Variants in PIK3R2 observed in about 807,000 individuals in gnomAD.
The protein encoded by PIK3R2 is phosphoinositide-3-kinase regulatory subunit 2.
In PIK3R2, 40 loss-of-function variants were observed where a neutral mutation model predicts 78.5. That is an observed-to-expected ratio of 0.51 (90% CI 0.40 to 0.66). The LOEUF is 0.66. Ranked by LOEUF, PIK3R2 falls within the 30% of genes least tolerant of loss-of-function variation. The probability of loss-of-function intolerance (pLI) is 0.00; values close to 1 mark genes in which losing one functional copy is unlikely to be tolerated. For missense variants in PIK3R2, 880 were observed against 1,026.6 expected (o/e 0.86, Z 1.95); for synonymous variants, 473 against 457.7 (o/e 1.03, Z -0.43).
chr19:18,164,750 C>T (rs971165257), intron 11 of PIK3R2, among the ~76,000 whole-genome samples: 9 of 150,172 alleles, frequency 6.0e-5, no homozygotes, highest in African/African-American at 2.2e-4. Flanking sequence ...ATTCTCCTGC[C>T]TCAGCCTCCC....
At position 18,168,217 on chromosome 19, in the gene PIK3R2, T is replaced by C. The variant is rs1292850794; in HGVS notation, c.1737-258T>C. Among the ~76,000 whole-genome samples, 1 of 152,122 alleles carries C rather than the reference T, an allele frequency of 6.6e-6. No individual in the cohort carries two copies. The highest frequency in any genetic ancestry group is 6.5e-5 in the Admixed American group (1 of 15,272). On this transcript the variant is annotated intron_variant, in intron 13 of 15. Coordinates refer to ENST00000222254, the MANE Select transcript of PIK3R2 (RefSeq NM_005027.4). This position sits in a 1 kb window ranked among gnomAD's most constrained non-coding sequence, Gnocchi z 4.1. ...TGATGATGAGGGGCCTGGGCTGGCA[T>C]CTTCTTGGGGGACTCCATAGGCGTT...
At position 18,156,238 on chromosome 19, in the gene PIK3R2, T is replaced by C. The variant is rs1263284748; in HGVS notation, c.322+37T>C. The C allele has an allele frequency of 7.1e-7, 1 of 1,417,742 alleles. No homozygotes were observed. The highest frequency in any genetic ancestry group is 9.3e-7 in the Non-Finnish European group (1 of 1,073,826). The allele number at this position is 1,417,742 out of a possible 1,614,324, so 87.8% of individuals were successfully genotyped here. A position where few individuals can be genotyped will look rare whatever the true frequency, so the allele number is the denominator to read the frequency against. ...GCAGGGGCCCTGGAAAGGGGGGTGG[T>C]CCCCTCAGACCCTTGGTCTCCTCTT... On this transcript the variant is annotated intron_variant, in intron 2 of 15. Transcript: ENST00000222254. This position sits in a 1 kb window ranked among gnomAD's most constrained non-coding sequence, Gnocchi z 4.2.
At position 18,168,942 on chromosome 19, in the gene PIK3R2, T is replaced by G. The variant is rs371113961; in HGVS notation, c.1979+46T>G. The G allele has an allele frequency of 2.5e-6, 4 of 1,584,688 alleles. No individual in the cohort carries two copies. Among genetic ancestry groups the G allele is most frequent in the East Asian group, 2.3e-5 (1 of 43,342 alleles). On this transcript the variant is annotated intron_variant, in intron 15 of 15. Coordinates refer to ENST00000222254, the MANE Select transcript of PIK3R2 (RefSeq NM_005027.4). The surrounding 1 kb of genome is among the most constrained non-coding windows in gnomAD (Gnocchi z 4.1). The stretch of plus-strand genomic sequence containing the variant: ...GGGATTCCCGCGTCCCTCCCAGAGC[T>G]CTCATTGAATGCCTGCCGCGTGCCA...
At position 18,161,381 on chromosome 19, in the gene PIK3R2, G is replaced by T. The variant is rs752545087; in HGVS notation, c.701G>T (p.Ser234Ile). Residue 234 changes from serine (S) to isoleucine (I), a missense_variant, in exon 6 of 16, where the codon AGC becomes ATC. By Grantham distance (142) the Ser-to-Ile change is moderately radical. Transcript: ENST00000222254. The surrounding 1 kb of genome is among the most constrained non-coding windows in gnomAD (Gnocchi z 5.3). The part of the protein sequence containing the change: ...FLLQHLGRVA[S>I]RAPALGPAVR... ...CTCCAGCACCTGGGCCGCGTGGCCA[G>T]CCGCGCCCCGGCCCTGGGTCCCGCG... The T allele has an allele frequency of 6.5e-6, 8 of 1,236,944 alleles. No homozygotes were observed. The highest frequency in any genetic ancestry group is 8.1e-6 in the Non-Finnish European group (8 of 990,770). 76.6% of individuals were successfully genotyped at this position (1,236,944 alleles called of 1,614,324 possible). A position where few individuals can be genotyped will look rare whatever the true frequency, so the allele number is the denominator to read the frequency against.
rs367911658 is a variant in PIK3R2 at position 18,161,020 on chromosome 19, CAT to C, written c.467-33_467-32del. ...GGAGGAGGCTGGGGGCCCCAGTACA[CAT>C]GAGTTGGACGTGTGCCCCCCTGCAC... On this transcript the variant is annotated intron_variant, in intron 4 of 15. Coordinates refer to ENST00000222254, the MANE Select transcript of PIK3R2 (RefSeq NM_005027.4). This position sits in a 1 kb window ranked among gnomAD's most constrained non-coding sequence, Gnocchi z 5.3. 1.2e-4 allele frequency: 187 copies of C among 1,611,948 alleles called. 3 individuals carry two copies. The East Asian group carries it at 3.2e-3, about 27-fold the overall frequency.
In PIK3R2 at chr19:18,155,576, G is replaced by A. The variant is rs2043668551; in HGVS notation, c.-304G>A. 4 of 484,206 alleles carry A rather than the reference G, an allele frequency of 8.3e-6. No individual in the cohort carries two copies. Among genetic ancestry groups the A allele is most frequent in the Non-Finnish European group, 7.2e-6 (2 of 276,832 alleles). 30.0% of individuals were successfully genotyped at this position (484,206 alleles called of 1,614,324 possible). ...TGGCCCTCCGTGTGAGGGCGTGAGC[G>A]GCCTGCCCCAGCCTCACCTGCTGAT... On this transcript the variant is annotated 5_prime_UTR_variant, in exon 2 of 16. Coordinates refer to ENST00000222254, the MANE Select transcript of PIK3R2 (RefSeq NM_005027.4).
Position 18,161,866 on chromosome 19 carries a change from C to T in PIK3R2, c.816-100C>T. ...CTCCTCCGCCCTGCACATACTGTCT[C>T]GTATATACCCCCAGGCGTGCAAGCG... On this transcript the variant is annotated intron_variant, in intron 6 of 15. Transcript: ENST00000222254. The surrounding 1 kb of genome is among the most constrained non-coding windows in gnomAD (Gnocchi z 5.3). 3 of 957,586 alleles carry T rather than the reference C, an allele frequency of 3.1e-6. No homozygotes were observed. Among genetic ancestry groups the T allele is most frequent in the Admixed American group, 1.8e-5 (1 of 55,474 alleles). 59.3% of individuals were successfully genotyped at this position (957,586 alleles called of 1,614,324 possible). A position where few individuals can be genotyped will look rare whatever the true frequency, so the allele number is the denominator to read the frequency against.
chr19:18,161,245 C>T lies in PIK3R2; in HGVS notation c.599-34C>T. On this transcript the variant is annotated intron_variant, in intron 5 of 15. Coordinates refer to ENST00000222254, the MANE Select transcript of PIK3R2 (RefSeq NM_005027.4). This position sits in a 1 kb window ranked among gnomAD's most constrained non-coding sequence, Gnocchi z 5.3. ...GCTGTAGCGGGTGGGAGGGCCCAGG[C>T]CTGGCTCACCCTGCCCTGGCCATCT... 3 of 1,483,752 alleles carry T rather than the reference C, an allele frequency of 2.0e-6. No individual in the cohort carries two copies. Among genetic ancestry groups the T allele is most frequent in the Non-Finnish European group, 2.7e-6 (3 of 1,121,622 alleles). The allele number at this position is 1,483,752 out of a possible 1,614,324, so 91.9% of individuals were successfully genotyped here.
chr19:18,169,206 C>T lies in PIK3R2; in HGVS notation c.2099C>T (p.Ser700Leu), dbSNP rs778763290. 1 of 1,605,930 alleles carries T rather than the reference C, an allele frequency of 6.2e-7. No individual in the cohort carries two copies. The highest frequency in any genetic ancestry group is 8.5e-7 in the Non-Finnish European group (1 of 1,179,066). ...CTGGTGCTGCACTACCAGCACGCCT[C>T]GCTGGTGCAGCACAACGACGCGCTC... ...KELVLHYQHASLVQHNDALTV... is the reference protein window; with the variant it reads ...KELVLHYQHALLVQHNDALTV... Residue 700 changes from serine (S) to leucine (L), a missense_variant, in exon 16 of 16, where the codon TCG becomes TTG. Around this residue, in one of 3 missense-constraint regions of PIK3R2, gnomAD observed 268 missense variants for 299.1 expected, o/e 0.90. Coordinates refer to ENST00000222254, the MANE Select transcript of PIK3R2 (RefSeq NM_005027.4).
chr19:18,169,984 G>A lies in PIK3R2; in HGVS notation c.*690G>A, dbSNP rs1018211393. The A allele has an allele frequency of 5.6e-5, 10 of 178,938 alleles. No homozygotes were observed. Among genetic ancestry groups the A allele is most frequent in the Non-Finnish European group, 1.1e-4 (9 of 83,432 alleles). The allele number at this position is 178,938 out of a possible 1,614,324, so 11.1% of individuals were successfully genotyped here. ...AGCACTTTGGGAGGCCAAGACGGGC[G>A]GATCTTTTGAGGTCGGGAGTTGGAG... On this transcript the variant is annotated 3_prime_UTR_variant, in exon 16 of 16. Coordinates refer to ENST00000222254, the MANE Select transcript of PIK3R2 (RefSeq NM_005027.4).
rs530488861 is a variant in PIK3R2, at chr19:18,153,831, G to GGGCTGGCA, written c.-424+541_-424+548dup. Among the ~76,000 whole-genome samples, 1,180 of 152,332 alleles carry GGGCTGGCA rather than the reference G, an allele frequency of 7.7e-3. 9 individuals carry two copies. Among genetic ancestry groups the GGGCTGGCA allele is most frequent in the Non-Finnish European group, 0.011 (741 of 68,024 alleles). On this transcript the variant is annotated intron_variant, in intron 1 of 15. Transcript: ENST00000222254. ...GGCGCGCACACCGGGGCGTGGGGGC[G>GGGCTGGCA]GGCTGGCAGGCAGATCCAGGCGGTT...
Position 18,163,396 on chromosome 19 carries a change from A to G in PIK3R2, c.1416+8A>G, listed in dbSNP as rs773290363. 9 of 1,613,846 alleles carry G rather than the reference A, an allele frequency of 5.6e-6. No homozygotes were observed. The highest frequency in any genetic ancestry group is 7.6e-6 in the Non-Finnish European group (9 of 1,179,970). Reference sequence around the variant, plus strand: ...TACACACGGACCTCCCAGGTACTCCAGGCCCCGTACATGAGGGAAACCGAG... The same window carrying G: ...TACACACGGACCTCCCAGGTACTCCGGGCCCCGTACATGAGGGAAACCGAG... On this transcript the variant is annotated splice_region_variant and intron_variant, in intron 11 of 15. Transcript: ENST00000222254.
chr19:18,156,800 T>C lies in PIK3R2; in HGVS notation c.322+599T>C, dbSNP rs1287200935. ...GGATATGAGGACCCCACATCCCTCT[T>C]CAAAGACCCTTGGCCATCACCACTT... On this transcript the variant is annotated intron_variant, in intron 2 of 15. Coordinates refer to ENST00000222254, the MANE Select transcript of PIK3R2 (RefSeq NM_005027.4). This position sits in a 1 kb window ranked among gnomAD's most constrained non-coding sequence, Gnocchi z 4.2. Among the ~76,000 whole-genome samples the C allele has an allele frequency of 2.0e-5, 3 of 152,098 alleles. No individual in the cohort carries two copies. The highest frequency in any genetic ancestry group is 2.9e-5 in the Non-Finnish European group (2 of 68,008).
At position 18,161,759 on chromosome 19, in the gene PIK3R2, C is replaced by T. The variant is rs2043749855; in HGVS notation, c.816-207C>T. Among the ~76,000 whole-genome samples, 2 of 152,176 alleles carry T rather than the reference C, an allele frequency of 1.3e-5. No individual in the cohort carries two copies. The highest frequency in any genetic ancestry group is 1.3e-4 in the Admixed American group (2 of 15,278). On this transcript the variant is annotated intron_variant, in intron 6 of 15. Coordinates refer to ENST00000222254, the MANE Select transcript of PIK3R2 (RefSeq NM_005027.4). The surrounding 1 kb of genome is among the most constrained non-coding windows in gnomAD (Gnocchi z 5.3). ...GCAGCTCCGGTACTGGTCTCTCGCT[C>T]GCCTTTGTGTGAGAATCTATGGAGC...
chr19:18,155,212 A>AC (rs1453133613), intron 1 of PIK3R2, among the ~76,000 whole-genome samples: 6 of 151,522 alleles, frequency 4.0e-5, no homozygotes, highest in Admixed American at 6.6e-5. Flanking sequence ...AAAAAAAAAA[A>AC]AAAACTGATT....
chr19:18,158,826 T>G (rs2043708601), intron 2 of PIK3R2, among the ~76,000 whole-genome samples: 1 of 152,098 alleles, frequency 6.6e-6, no homozygotes, highest in Non-Finnish European at 1.5e-5. Flanking sequence ...ATTTATTAAT[T>G]AATGTATCTT....
chr19:18,161,126 C>A lies in PIK3R2; in HGVS notation c.539C>A (p.Ala180Glu). The change falls in exon 5 of 16, where the codon GCA becomes GAA. Residue 180 changes from alanine (A) to glutamate (E), a missense_variant. By Grantham distance (107) the Ala-to-Glu change is moderately radical (BLOSUM62 -1). Coordinates refer to ENST00000222254, the MANE Select transcript of PIK3R2 (RefSeq NM_005027.4). The surrounding 1 kb of genome is among the most constrained non-coding windows in gnomAD (Gnocchi z 5.3). ...LADGIKSFLL[A>E]LPAPLVTPEA... ...GACGGCATTAAGAGCTTCCTGCTGG[C>A]ACTGCCCGCGCCGCTCGTGACCCCC... The A allele has an allele frequency of 6.4e-7, 1 of 1,571,506 alleles. No individual in the cohort carries two copies. The highest frequency in any genetic ancestry group is 8.6e-7 in the Non-Finnish European group (1 of 1,159,310).
At chr19:18,164,131 A>T (rs2043782680) in intron 11 of PIK3R2, among the ~76,000 whole-genome samples, 1 of 152,136 alleles carries the variant, frequency 6.6e-6, no homozygotes, top group African/African-American at 2.4e-5. Context: ...CATCTAAAAA[A>T]ATAATAATAA....
Position 18,169,521 on chromosome 19 carries a change from A to C in PIK3R2, c.*227A>C. The C allele has an allele frequency of 3.0e-6, 1 of 332,250 alleles. No individual in the cohort carries two copies. Among genetic ancestry groups the C allele is most frequent in the Non-Finnish European group, 5.5e-6 (1 of 182,194 alleles). 20.6% of individuals were successfully genotyped at this position (332,250 alleles called of 1,614,324 possible). ...TCTTTCTTGGCCCCTGTCTCTCTCC[A>C]TGTTGGGGGTCCTAACTCCCCCACC... On this transcript the variant is annotated 3_prime_UTR_variant, in exon 16 of 16. Transcript: ENST00000222254.
Sources: gnomAD v4.1 joint callset for allele counts (sites outside exome capture counted in the v4.1 genomes callset) on GRCh38, gnomAD v4.1.1 for gene constraint, gnomAD v4.1.1 regional missense constraint, Gnocchi (gnomAD v3.1) non-coding constraint, MANE v1.5 for transcripts, NCBI Gene and HGNC (gene_info 2026-07-23, HGNC 2026-07-21) for gene names.